ITFG1: variants seen among roughly 807,000 people sequenced by gnomAD.
The protein encoded by ITFG1 is T-cell immunomodulatory protein.
A neutral mutation model predicts 81.8 loss-of-function variants in ITFG1; 34 were observed. The ratio of observed to expected loss-of-function variants is 0.42; its 90% CI spans 0.32 to 0.55. The LOEUF (loss-of-function observed/expected upper bound fraction) is 0.55, where lower values mean the gene tolerates loss of function less well. Among genes scored for constraint, ITFG1 ranks in the 20% least tolerant of loss-of-function variants. The probability of loss-of-function intolerance (pLI) is 0.17; values close to 1 mark genes in which losing one functional copy is unlikely to be tolerated. For missense variants in ITFG1, 672 were observed against 755.4 expected (o/e 0.89, Z 1.29); for synonymous variants, 285 against 270.6 (o/e 1.05, Z -0.52).
Position 47,254,980 on chromosome 16 carries a change from T to G in ITFG1, c.1330+3652A>C, listed in dbSNP as rs75352648. Among the ~76,000 whole-genome samples, 29 of 152,296 alleles carry G rather than the reference T, an allele frequency of 1.9e-4. No homozygotes were observed. The East Asian group carries it at 5.4e-3, about 28-fold the overall frequency. On this transcript the variant is annotated intron_variant, in intron 12 of 17. Transcript: ENST00000320640. ...CACATGTCTGTAATCCCAGCTACTT[T>G]GGAAGCTGAGGCATGAGAATTGCTT...
chr16:47,259,579 T>C (rs1311193791), intron 11 of ITFG1, among the ~76,000 whole-genome samples: 2 of 152,184 alleles, frequency 1.3e-5, no homozygotes, highest in East Asian at 1.9e-4. Flanking sequence ...AATAAGTCTC[T>C]TATAAAAAAC....
At chr16:47,199,990 TCAGGCCATAATGTGAGTGATGGGGTGC>T (rs1965406105) in intron 14 of ITFG1, among the ~76,000 whole-genome samples, 6 of 134,148 alleles carry the variant, frequency 4.5e-5, no homozygotes, top group African/African-American at 1.9e-4. Context: ...GAGGTGGAGC[TCAGGCCATAATGTGAGTGATGGGGTGC>T]GGCTGTAAAT....
intron 14 of ITFG1, among the ~76,000 whole-genome samples, chr16:47,212,415 C>T (rs1965574765): frequency 6.6e-6 from 1 of 152,072 alleles, no homozygotes; most frequent in South Asian, 2.1e-4. Context: ...CAGGATCTCA[C>T]TATATTGCCT....
intron 8 of ITFG1, among the ~76,000 whole-genome samples, chr16:47,344,494 TTAC>T (rs1967825290): frequency 6.6e-6 from 1 of 152,330 alleles, no homozygotes; most frequent in Non-Finnish European, 1.5e-5. Context: ...TATGTAAATT[TTAC>T]TACAATAAAA....
chr16:47,165,095 G>A (rs568487318), intron 14 of ITFG1, among the ~76,000 whole-genome samples: 2 of 152,242 alleles, frequency 1.3e-5, no homozygotes, highest in Non-Finnish European at 1.5e-5. Flanking sequence ...AGTTCATGTG[G>A]TCCTCACACT....
At chr16:47,315,000 A>G (rs1012350646) in intron 8 of ITFG1, among the ~76,000 whole-genome samples, 7 of 152,184 alleles carry the variant, frequency 4.6e-5, no homozygotes, top group African/African-American at 1.7e-4. Context: ...AATCTAGCCA[A>G]TGGAAACTGA....
At chr16:47,158,346 T>G (rs944618479) in intron 17 of ITFG1, among the ~76,000 whole-genome samples, 3 of 152,154 alleles carry the variant, frequency 2.0e-5, no homozygotes, top group Admixed American at 6.5e-5. Context: ...CTGTCCACCT[T>G]GGCCTCCCAA....
At chr16:47,365,308 A>G (rs750675275) in intron 8 of ITFG1, among the ~76,000 whole-genome samples, 5 of 152,222 alleles carry the variant, frequency 3.3e-5, no homozygotes, top group Non-Finnish European at 7.3e-5. Flanking sequence ...TGTGAACTTG[A>G]TTGTGCAGAA....
intron 8 of ITFG1, among the ~76,000 whole-genome samples, chr16:47,329,430 G>T (rs1189980893): frequency 6.6e-6 from 1 of 152,102 alleles, no homozygotes; most frequent in African/African-American, 2.4e-5. Flanking sequence ...TCTACTTTAG[G>T]AGCATGGGCT....
chr16:47,242,211 T>C (rs1162814166), intron 12 of ITFG1, among the ~76,000 whole-genome samples: 2 of 151,816 alleles, frequency 1.3e-5, no homozygotes, highest in Non-Finnish European at 2.9e-5. Flanking sequence ...TTTTGTAATA[T>C]AACAGTATAA....
chr16:47,326,546 A>C (rs1170337458), intron 8 of ITFG1, among the ~76,000 whole-genome samples: 1 of 152,310 alleles, frequency 6.6e-6, no homozygotes, highest in South Asian at 2.1e-4. Context: ...CCCTGTTTGC[A>C]GATGACATGA....
At chr16:47,434,241 G>T (rs895993670) in intron 5 of ITFG1, among the ~76,000 whole-genome samples, 1 of 151,502 alleles carries the variant, frequency 6.6e-6, no homozygotes, top group Non-Finnish European at 1.5e-5. Context: ...TCTGCACAGC[G>T]AAAGAAACTA....
At chr16:47,439,201 A>G (rs1384817241) in intron 5 of ITFG1, among the ~76,000 whole-genome samples, 1 of 152,220 alleles carries the variant, frequency 6.6e-6, no homozygotes, top group Admixed American at 6.5e-5. Flanking sequence ...GATCAAATCT[A>G]CGTCTAACTG....
At chr16:47,378,050 G>A (rs1378946931) in intron 6 of ITFG1, among the ~76,000 whole-genome samples, 1 of 152,126 alleles carries the variant, frequency 6.6e-6, no homozygotes, top group South Asian at 2.1e-4. Flanking sequence ...TTTAAAAGGT[G>A]TTACATTTTT....
chr16:47,452,179 A>G (rs1470321002), intron 4 of ITFG1, among the ~76,000 whole-genome samples: 1 of 152,228 alleles, frequency 6.6e-6, no homozygotes, highest in Non-Finnish European at 1.5e-5. Flanking sequence ...TAAGAAAGAC[A>G]GTACTGGAAA....
chr16:47,386,817 A>G (rs1968469105), intron 6 of ITFG1, among the ~76,000 whole-genome samples: 2 of 152,216 alleles, frequency 1.3e-5, no homozygotes, highest in African/African-American at 2.4e-5. Flanking sequence ...CTGTCCCCTA[A>G]TATTTAAAAC....
chr16:47,239,389 C>T (rs566456289), intron 12 of ITFG1, among the ~76,000 whole-genome samples: 37 of 152,074 alleles, frequency 2.4e-4, no homozygotes, highest in Admixed American at 6.5e-4. Flanking sequence ...TTAGTAGAGA[C>T]GGGGTTTCAC....
chr16:47,342,635 T>C (rs1248810446), intron 8 of ITFG1, among the ~76,000 whole-genome samples: 1 of 152,082 alleles, frequency 6.6e-6, no homozygotes, highest in African/African-American at 2.4e-5. Flanking sequence ...AGAATTAAAA[T>C]AAATGTATTC....
At chr16:47,326,893 T>C (rs1281206760) in intron 8 of ITFG1, among the ~76,000 whole-genome samples, 3 of 152,112 alleles carry the variant, frequency 2.0e-5, no homozygotes, top group Non-Finnish European at 2.9e-5. Flanking sequence ...AAAATGGCCA[T>C]AGTGCCCAAG....
Sources: gnomAD v4.1 joint callset for allele counts (sites outside exome capture counted in the v4.1 genomes callset) on GRCh38, gnomAD v4.1.1 for gene constraint, MANE v1.5 for transcripts, NCBI Gene and HGNC (gene_info 2026-07-23, HGNC 2026-07-21) for gene names.